The following PAK3 variants were observed in gnomAD, a reference collection of about 807,000 sequenced individuals.
PAK3 encodes p21 (RAC1) activated kinase 3, also known as serine/threonine-protein kinase PAK 3.
In PAK3, 4 loss-of-function variants were observed where a neutral mutation model predicts 41.0. The ratio of observed to expected loss-of-function variants is 0.10; its 90% CI spans 0.05 to 0.22. The LOEUF (loss-of-function observed/expected upper bound fraction) is 0.22, where lower values mean the gene tolerates loss of function less well. Among genes scored for constraint, PAK3 ranks in the 10% least tolerant of loss-of-function variants. PAK3 has a pLI of 1.00. For synonymous variants in PAK3, 146 were observed against 139.6 expected (o/e 1.05, Z -0.32); for missense variants, 205 against 409.9 (o/e 0.50, Z 4.32).
chrX:111,039,618 C>T (rs1393035879), intron 1 of PAK3, among the ~76,000 whole-genome samples: 1 of 111,440 alleles, frequency 9.0e-6, no homozygotes, highest in African/African-American at 3.3e-5. Flanking sequence ...GCAGACCAGG[C>T]TAATGCTTTA....
At chrX:111,055,086 A>AT (rs746481721) in intron 1 of PAK3, among the ~76,000 whole-genome samples, 1 of 112,013 alleles carries the variant, frequency 8.9e-6, no homozygotes, top group Non-Finnish European at 1.9e-5. Context: ...CTTGGTGCAC[A>AT]TTGTACACCA....
chrX:111,123,197 T>G lies in PAK3; in HGVS notation c.94T>G (p.Ser32Ala). ...NRDSSALNHS[S>A]KPLPMAPEEK... is the part of the protein sequence containing the mutation. ...GGATTCTTCAGCACTCAACCACAGCTCCAAACCACTTCCCATGGCCCCTGA... is the reference window on the plus strand; with the variant it reads ...GGATTCTTCAGCACTCAACCACAGCGCCAAACCACTTCCCATGGCCCCTGA... Residue 32 changes from serine (S) to alanine (A), a missense_variant, in exon 5 of 18, where the codon TCC becomes GCC. Ser to Ala is a moderately conservative substitution (Grantham distance 99, BLOSUM62 1). Coordinates refer to ENST00000372007, the MANE Select transcript of PAK3 (RefSeq NM_002578.5). 1 of 1,205,455 alleles carries G rather than the reference T, an allele frequency of 8.3e-7. No individual in the cohort carries two copies.
chrX:111,192,218 C>T, intron 12 of PAK3, 43 bp downstream of exon 12: 1 of 835,489 alleles, frequency 1.2e-6, no homozygotes, highest in Non-Finnish European at 1.8e-6. Flanking sequence ...TTCTTTTATT[C>T]ATATTTAACA....
chrX:111,120,445 A>G (rs1455156795), intron 4 of PAK3, among the ~76,000 whole-genome samples: 4 of 112,001 alleles, frequency 3.6e-5, no homozygotes, highest in Non-Finnish European at 7.5e-5. Flanking sequence ...ATTAGGAACA[A>G]AAAAGGCCAC....
chrX:111,014,323 C>T (rs1343662292), intron 1 of PAK3, among the ~76,000 whole-genome samples: 1 of 111,398 alleles, frequency 9.0e-6, no homozygotes. Context: ...ATCAGCAGCA[C>T]CTTTTTTTTC....
chrX:111,216,067 T>C (rs1203829283), intron 16 of PAK3, among the ~76,000 whole-genome samples: 1 of 112,375 alleles, frequency 8.9e-6, no homozygotes, highest in Non-Finnish European at 1.9e-5. Flanking sequence ...GTATGTGTAT[T>C]CCCCAAGTCT....
At chrX:111,219,236 A>AATAAGC (rs1240693532) in intron 17 of PAK3, among the ~76,000 whole-genome samples, 3 of 102,198 alleles carry the variant, frequency 2.9e-5, no homozygotes, top group Non-Finnish European at 5.9e-5. Context: ...TAATAATAAT[A>AATAAGC]AGCAAGAGAT....
intron 11 of PAK3, among the ~76,000 whole-genome samples, chrX:111,180,420 C>A (rs1176091692): frequency 3.6e-5 from 4 of 111,563 alleles, no homozygotes; most frequent in Non-Finnish European, 7.5e-5. Context: ...CTATGAGCAT[C>A]CAAAACTAGC....
At position 111,220,553 on chromosome X, in the gene PAK3, T is replaced by C. The variant is rs1384618980; in HGVS notation, c.*106T>C. Reference sequence around the variant, plus strand: ...GACAGTCAAATGGGGTGGGGGTTCTTTACCTTTCAAATGAATAGAAACTTC... The same window carrying C: ...GACAGTCAAATGGGGTGGGGGTTCTCTACCTTTCAAATGAATAGAAACTTC... On this transcript the variant is annotated 3_prime_UTR_variant, in exon 18 of 18. Coordinates refer to ENST00000372007, the MANE Select transcript of PAK3 (RefSeq NM_002578.5). 2.4e-5 allele frequency: 13 copies of C among 546,963 alleles called. No individual in the cohort carries two copies. The highest frequency in any genetic ancestry group is 4.2e-5 in the Non-Finnish European group (13 of 309,568). 45.1% of individuals were successfully genotyped at this position (546,963 alleles called of 1,213,427 possible).
intron 10 of PAK3, among the ~76,000 whole-genome samples, chrX:111,167,795 G>T (rs920139899): frequency 9.0e-6 from 1 of 110,581 alleles, no homozygotes; most frequent in Non-Finnish European, 1.9e-5. Flanking sequence ...GATAGGTGCA[G>T]CAAACCACCA....
chrX:111,159,214 T>G (rs1006579534), intron 8 of PAK3, among the ~76,000 whole-genome samples: 1 of 112,140 alleles, frequency 8.9e-6, no homozygotes, highest in East Asian at 2.8e-4. Flanking sequence ...TTGCTAAATA[T>G]GAAAATCAAA....
intron 1 of PAK3, among the ~76,000 whole-genome samples, chrX:110,964,614 G>A (rs1476969867): frequency 8.9e-6 from 1 of 112,421 alleles, no homozygotes; most frequent in Non-Finnish European, 1.9e-5. Context: ...GTTGTGTACT[G>A]TGCTCCCCTT....
chrX:111,022,408 A>C (rs1348991914), intron 1 of PAK3, among the ~76,000 whole-genome samples: 1 of 112,007 alleles, frequency 8.9e-6, no homozygotes, highest in East Asian at 2.8e-4. Flanking sequence ...TCAGCCAAGA[A>C]TTTTGTATCC....
At chrX:111,087,779 A>C (rs2092901039) in intron 1 of PAK3, among the ~76,000 whole-genome samples, 1 of 98,647 alleles carries the variant, frequency 1.0e-5, no homozygotes, top group East Asian at 3.2e-4. Context: ...AAAAAAAAAA[A>C]ACAGAAGACA....
Position 111,159,504 on chromosome X carries a change from C to A in PAK3, c.469-3411C>A, listed in dbSNP as rs906562812. 6.3e-5 allele frequency among the ~76,000 whole-genome samples: 7 copies of A among 111,265 alleles called. No individual in the cohort carries two copies. In the East Asian group the frequency reaches 2.0e-3, roughly 31 times the overall value. On this transcript the variant is annotated intron_variant, in intron 8 of 17. Coordinates refer to ENST00000372007, the MANE Select transcript of PAK3 (RefSeq NM_002578.5). Reference sequence around the variant, plus strand: ...AAAAAAGTACTCAGCTTCCATCCTTCTACAAAGAAACAGTGATTAGGTACA... The same window carrying A: ...AAAAAAGTACTCAGCTTCCATCCTTATACAAAGAAACAGTGATTAGGTACA...
chrX:111,032,028 C>T (rs2092346231), intron 1 of PAK3, among the ~76,000 whole-genome samples: 1 of 111,929 alleles, frequency 8.9e-6, no homozygotes, highest in Non-Finnish European at 1.9e-5. Context: ...TAAATGACTA[C>T]ATCACAAATC....
intron 8 of PAK3, among the ~76,000 whole-genome samples, chrX:111,161,447 C>T (rs1425171134): frequency 9.0e-6 from 1 of 110,978 alleles, no homozygotes; most frequent in Non-Finnish European, 1.9e-5. Context: ...GTTTCTTTTG[C>T]TGTGCAGAAG....
At position 111,144,054 on chromosome X, in the gene PAK3, G is replaced by C. The variant is rs148535929; in HGVS notation, c.276+1858G>C. Among the ~76,000 whole-genome samples the C allele has an allele frequency of 2.4e-3, 266 of 111,350 alleles. 1 individual carries two copies. The highest frequency in any genetic ancestry group is 8.4e-3 in the African/African-American group (258 of 30,705). On this transcript the variant is annotated intron_variant, in intron 6 of 17. Transcript: ENST00000372007. ...TCTTTCATTTATCATTCTGGATTCT[G>C]AATGGAAATGAAAGAAAGTAAATCA...
rs2148921174 is a variant in PAK3, at chrX:111,106,859, C to A, written c.-28+3553C>A. Among the ~76,000 whole-genome samples the A allele has an allele frequency of 1.8e-5, 2 of 111,899 alleles. 1 individual carries two copies. The highest frequency in any genetic ancestry group is 7.5e-4 in the South Asian group (2 of 2,660). On this transcript the variant is annotated intron_variant, in intron 4 of 17. Coordinates refer to ENST00000372007, the MANE Select transcript of PAK3 (RefSeq NM_002578.5). The stretch of plus-strand genomic sequence containing the variant: ...CAATGAGAAATAGATCCTTTCAGAG[C>A]AGAAAGGAGTAGAATTTATGTCTAG...
Sources: allele counts gnomAD v4.1 joint callset (sites outside exome capture counted in the v4.1 genomes callset), GRCh38; gene constraint gnomAD v4.1.1; transcripts MANE v1.5; gene names NCBI Gene and HGNC (gene_info 2026-07-23, HGNC 2026-07-21).